Variants in CR1L observed in about 807,000 individuals in gnomAD.
CR1L encodes complement component receptor 1-like protein.
Under a neutral mutation model 62.3 loss-of-function variants are expected in CR1L, and 59 were observed. That is an observed-to-expected ratio of 0.95 (90% CI 0.77 to 1.18). The LOEUF (loss-of-function observed/expected upper bound fraction) is 1.18, where lower values mean the gene tolerates loss of function less well. Ranked by LOEUF, CR1L falls within the 50% of genes most tolerant of loss-of-function variation. The probability of loss-of-function intolerance (pLI) is 0.00; values close to 1 mark genes in which losing one functional copy is unlikely to be tolerated. For synonymous variants in CR1L, 279 were observed against 248.7 expected, an observed-to-expected ratio of 1.12 and a Z score of -1.15; for missense variants, 700 against 702.8, an observed-to-expected ratio of 1.00 and a Z score of 0.04.
At chr1:207,682,598 T>C (rs1663817805) in intron 3 of CR1L, among the ~76,000 whole-genome samples, 1 of 152,218 alleles carries the variant, frequency 6.6e-6, no homozygotes, top group African/African-American at 2.4e-5. Context: ...TTGATCTCCA[T>C]TTGGCACTGT....
chr1:207,659,271 G>C (rs561479551), intron 1 of CR1L: 92 of 152,576 alleles, frequency 6.0e-4, no homozygotes, highest in African/African-American at 2.1e-3. Context: ...TGCAGCCCCA[G>C]GCCCATTCCC....
intron 1 of CR1L, among the ~76,000 whole-genome samples, chr1:207,649,621 G>A (rs1445685167): frequency 1.3e-5 from 2 of 152,178 alleles, no homozygotes; most frequent in Non-Finnish European, 2.9e-5. Flanking sequence ...GTTTGGTAGT[G>A]GTTCAGCAGT....
chr1:207,707,803 CACACACACACACACACAT>C (rs1664291736), intron 9 of CR1L, among the ~76,000 whole-genome samples: 1 of 150,878 alleles, frequency 6.6e-6, no homozygotes, highest in African/African-American at 2.5e-5. Context: ...CACACACACA[CACACACACACACACACAT>C]ATTAAGGGAA....
chr1:207,715,144 G>A (rs1483732655), intron 10 of CR1L, among the ~76,000 whole-genome samples: 1 of 152,160 alleles, frequency 6.6e-6, no homozygotes, highest in East Asian at 1.9e-4. Context: ...AGCTACTGAA[G>A]AATTCAGATC....
At chr1:207,663,564 G>A (rs1663460481) in intron 1 of CR1L, among the ~76,000 whole-genome samples, 1 of 152,250 alleles carries the variant, frequency 6.6e-6, no homozygotes, top group Non-Finnish European at 1.5e-5. Flanking sequence ...GACTAGGAAA[G>A]GGAATTCCCT....
intron 11 of CR1L, among the ~76,000 whole-genome samples, chr1:207,718,963 A>C (rs942437041): frequency 6.7e-6 from 1 of 150,052 alleles, no homozygotes; most frequent in African/African-American, 2.5e-5. Flanking sequence ...TTGTAGGGAC[A>C]TGGATGAAAT....
chr1:207,710,606 T>C, intron 10 of CR1L: 1 of 1,609,988 alleles, frequency 6.2e-7, no homozygotes, highest in African/African-American at 1.3e-5. Flanking sequence ...ACCTAACAAA[T>C]GCACACCTCC....
intron 9 of CR1L, among the ~76,000 whole-genome samples, chr1:207,705,209 A>G (rs1376426177): frequency 6.6e-6 from 1 of 152,178 alleles, no homozygotes; most frequent in East Asian, 1.9e-4. Context: ...TCTTTTTATA[A>G]GGACACCGGG....
chr1:207,719,385 A>G (rs7555801), intron 11 of CR1L, among the ~76,000 whole-genome samples: 145,237 of 151,984 alleles, frequency 0.96, 69,727 homozygotes, highest in East Asian at 1. Context: ...GGTGGTTGTG[A>G]TACTAGTTGT....
chr1:207,677,578 T>A lies in CR1L; in HGVS notation c.277+10T>A. 2 of 1,609,700 alleles carry A rather than the reference T, an allele frequency of 1.2e-6. No individual in the cohort carries two copies. Among genetic ancestry groups the A allele is most frequent in the South Asian group, 2.2e-5 (2 of 89,966 alleles). ...AAGGACAAGTGCAAACGTAAGTAAC[T>A]CTGGAGTGGGAACCCCTCTGTTAGT... is the stretch of plus-strand genomic sequence containing the variant. On this transcript the variant is annotated intron_variant, in intron 2 of 11. Transcript: ENST00000508064.
intron 4 of CR1L, among the ~76,000 whole-genome samples, chr1:207,690,726 G>T (rs181931474): frequency 6.6e-6 from 1 of 152,204 alleles, no homozygotes; most frequent in Admixed American, 6.5e-5. Flanking sequence ...AATAGGATTG[G>T]TTCCATCTGC....
At chr1:207,646,879 A>G (rs541036171) in intron 1 of CR1L, among the ~76,000 whole-genome samples, 1 of 152,172 alleles carries the variant, frequency 6.6e-6, no homozygotes, top group Non-Finnish European at 1.5e-5. Context: ...TTAGGATCTT[A>G]TTCCATGTAC....
chr1:207,694,374 C>T lies in CR1L; in HGVS notation c.485C>T (p.Pro162Leu), dbSNP rs1558020701. The T allele has an allele frequency of 1.2e-6, 2 of 1,614,020 alleles. No homozygotes were observed. Among genetic ancestry groups the T allele is most frequent in the East Asian group, 4.5e-5 (2 of 44,886 alleles). ...VCDRIICGLP[P>L]TIANGDFTSI... is the part of the protein sequence containing the mutation. ...CCAGGAATTATTTGTGGGCTACCCC[C>T]CACCATCGCCAATGGAGATTTCACT... Residue 162 changes from proline (P) to leucine (L), a missense_variant, in exon 5 of 12, where the codon CCC (proline) becomes CTC (leucine). By Grantham distance (98) the Pro-to-Leu change is moderately conservative (BLOSUM62 -3). Coordinates refer to ENST00000508064, the MANE Select transcript of CR1L (RefSeq NM_175710.2).
chr1:207,697,897 G>C, intron 7 of CR1L, 24 bp downstream of exon 7: 1 of 1,613,588 alleles, frequency 6.2e-7, no homozygotes, highest in Non-Finnish European at 8.5e-7. Flanking sequence ...TGCCTGACCT[G>C]CTGGACATTG....
chr1:207,651,677 A>C (rs1663226312), intron 1 of CR1L, among the ~76,000 whole-genome samples: 1 of 152,162 alleles, frequency 6.6e-6, no homozygotes. Context: ...AAACTACAAA[A>C]AACAGAAATA....
At chr1:207,720,071 A>G (rs1181421953) in intron 11 of CR1L, among the ~76,000 whole-genome samples, 1 of 152,248 alleles carries the variant, frequency 6.6e-6, no homozygotes, top group African/African-American at 2.4e-5. Flanking sequence ...AAGGAGATAC[A>G]TACAAAGAAT....
chr1:207,650,718 T>A (rs1213435100), intron 1 of CR1L, among the ~76,000 whole-genome samples: 5 of 152,148 alleles, frequency 3.3e-5, no homozygotes, highest in Non-Finnish European at 7.3e-5. Flanking sequence ...GGTATGCGTG[T>A]ACATTAGTTA....
rs1350555598 is a variant in CR1L, at chr1:207,694,668, C to A, written c.779C>A (p.Pro260His). The change falls in exon 5 of 12, where the codon CCT (proline) becomes CAT (histidine). Residue 260 changes from proline (P) to histidine (H), a missense_variant. Physicochemically the swap from Pro to His is moderately conservative, Grantham distance 77. Coordinates refer to ENST00000508064, the MANE Select transcript of CR1L (RefSeq NM_175710.2). ...LNEVVEFRCQ[P>H]GFGMKGPSHV... is the part of the protein sequence containing the mutation. ...GAAGTTGTGGAGTTTAGGTGTCAGC[C>A]TGGCTTTGGCATGAAAGGGCCCTCC... The A allele has an allele frequency of 6.2e-7, 1 of 1,611,754 alleles. No homozygotes were observed. The highest frequency in any genetic ancestry group is 8.5e-7 in the Non-Finnish European group (1 of 1,179,728).
intron 11 of CR1L, among the ~76,000 whole-genome samples, chr1:207,721,297 T>G (rs1654132165): frequency 1.3e-5 from 2 of 151,164 alleles, no homozygotes; most frequent in African/African-American, 4.9e-5. Context: ...AACCACTAAC[T>G]CGTCATCTAG....
Sources: allele counts gnomAD v4.1 joint callset (sites outside exome capture counted in the v4.1 genomes callset), GRCh38; gene constraint gnomAD v4.1.1; transcripts MANE v1.5; gene names NCBI Gene and HGNC (gene_info 2026-07-23, HGNC 2026-07-21).